The following TSGA10 variants were observed in gnomAD, a reference collection of about 807,000 sequenced individuals.
The protein encoded by TSGA10 is testis specific 10.
Under a neutral mutation model 96.6 loss-of-function variants are expected in TSGA10, and 43 were observed. That is an observed-to-expected ratio of 0.44 (90% CI 0.35 to 0.57). The LOEUF is 0.57. Among genes scored for constraint, TSGA10 ranks in the 20% least tolerant of loss-of-function variants. The pLI, the probability that TSGA10 is intolerant of heterozygous loss-of-function variation, is 0.01. For synonymous variants in TSGA10, 229 were observed against 269.9 expected, an observed-to-expected ratio of 0.85 and a Z score of 1.48; for missense variants, 703 against 834.4, an observed-to-expected ratio of 0.84 and a Z score of 1.94.
intron 20 of TSGA10, among the ~76,000 whole-genome samples, chr2:99,016,821 C>T (rs1434569443): frequency 2.0e-5 from 3 of 151,998 alleles, no homozygotes; most frequent in Non-Finnish European, 4.4e-5. Context: ...AACATAATCC[C>T]ATCAAAAAGT....
Position 99,064,964 on chromosome 2 carries a change from T to A in TSGA10, c.1379A>T (p.Asp460Val), listed in dbSNP as rs780921721. 6.2e-7 allele frequency: 1 copy of A among 1,601,732 alleles called. No individual in the cohort carries two copies. The highest frequency in any genetic ancestry group is 8.5e-7 in the Non-Finnish European group (1 of 1,175,836). ...AEGNRLKEKV[D>V]SLNREVEQHL... ...TTGCTCAACCTCTCTGTTGAGGGAA[T>A]CTACTTTTTCTTTTAATCTGTTACC... is the stretch of plus-strand genomic sequence containing the variant. The change falls in exon 16 of 21, where the codon GAT becomes GTT. Residue 460 changes from aspartate (D) to valine (V), a missense_variant. By Grantham distance (152) the Asp-to-Val change is radical. This residue lies in a region of TSGA10 where 585 missense variants were observed against 656.8 expected (regional missense o/e 0.89). Coordinates refer to ENST00000393483, the MANE Select transcript of TSGA10 (RefSeq NM_025244.4).
At chr2:99,126,949 G>T in intron 2 of TSGA10, 99 bp downstream of exon 2, 1 of 1,063,572 alleles carries the variant, frequency 9.4e-7, no homozygotes, top group Non-Finnish European at 1.2e-6. Context: ...ACATTTAAAT[G>T]AGCTCTGAAT....
At chr2:99,112,572 A>G (rs979924858) in intron 4 of TSGA10, among the ~76,000 whole-genome samples, 1 of 152,016 alleles carries the variant, frequency 6.6e-6, no homozygotes, top group African/African-American at 2.4e-5. Flanking sequence ...TTGACCAAAA[A>G]CTTCAGAGGA....
intron 1 of TSGA10, among the ~76,000 whole-genome samples, chr2:99,134,359 CTTGA>C (rs2105051394): frequency 1.3e-5 from 2 of 152,170 alleles, no homozygotes; most frequent in African/African-American, 4.8e-5. Context: ...CTTTCTTCCA[CTTGA>C]TTGATTCAGC....
At chr2:99,067,843 CAA>C (rs201614117) in intron 15 of TSGA10, among the ~76,000 whole-genome samples, 14 of 128,016 alleles carry the variant, frequency 1.1e-4, no homozygotes, top group East Asian at 2.2e-4. Context: ...GAGCCTGTCT[CAA>C]AAAAAAAAAA....
chr2:99,129,698 G>A (rs979285665), intron 1 of TSGA10, among the ~76,000 whole-genome samples: 3 of 152,118 alleles, frequency 2.0e-5, no homozygotes, highest in Non-Finnish European at 2.9e-5. Flanking sequence ...TGGAACTTGT[G>A]CTCCTGTACC....
rs181077025 is a variant in TSGA10, at chr2:99,072,135, T to C, written c.939-261A>G. The stretch of plus-strand genomic sequence containing the variant: ...ATTTCAAAACTTCTTACATCAAGTA[T>C]TAGGAAGGCTTTCATCCTACTTCTG... On this transcript the variant is annotated intron_variant, in intron 13 of 20. Transcript: ENST00000393483. Among the ~76,000 whole-genome samples, 1,463 of 152,308 alleles carry C rather than the reference T, an allele frequency of 9.6e-3. 9 individuals carry two copies. The highest frequency in any genetic ancestry group is 0.014 in the Non-Finnish European group (937 of 68,026).
intron 20 of TSGA10, among the ~76,000 whole-genome samples, chr2:99,012,882 T>G (rs2079121266): frequency 6.6e-6 from 1 of 152,194 alleles, no homozygotes. Flanking sequence ...ATAAATTCTT[T>G]TCTTCAGCAC....
At chr2:99,081,572 A>C (rs2087511289) in intron 10 of TSGA10, among the ~76,000 whole-genome samples, 175 bp from the exon 11 acceptor site, 1 of 152,214 alleles carries the variant, frequency 6.6e-6, no homozygotes, top group Non-Finnish European at 1.5e-5. Context: ...AAGGGTAAGA[A>C]GGGATCTTCA....
chr2:99,140,532 A>C (rs961526642), intron 1 of TSGA10, among the ~76,000 whole-genome samples: 1 of 152,172 alleles, frequency 6.6e-6, no homozygotes, highest in South Asian at 2.1e-4. Context: ...TTAGGTATCA[A>C]GTCCATGATC....
intron 2 of TSGA10, among the ~76,000 whole-genome samples, chr2:99,122,484 TA>T (rs1178213049): frequency 2.7e-5 from 4 of 150,604 alleles, no homozygotes; most frequent in East Asian, 1.9e-4. Flanking sequence ...TTTGTAAAAT[TA>T]AAAAAAAATT....
intron 20 of TSGA10, among the ~76,000 whole-genome samples, chr2:99,007,585 A>C (rs2078615516): frequency 6.6e-6 from 1 of 152,222 alleles, no homozygotes; most frequent in South Asian, 2.1e-4. Context: ...GCAACAAATA[A>C]AACAGCAAAC....
At chr2:99,148,592 G>T (rs577476707) in intron 1 of TSGA10, among the ~76,000 whole-genome samples, 31 of 152,324 alleles carry the variant, frequency 2.0e-4, no homozygotes, top group African/African-American at 6.5e-4. Context: ...GAAATGTTCA[G>T]TCAGTAATTA....
chr2:99,137,881 C>A (rs574647634), intron 1 of TSGA10, among the ~76,000 whole-genome samples: 12 of 110,586 alleles, frequency 1.1e-4, no homozygotes, highest in African/African-American at 2.5e-4. Context: ...AGTGAGACTC[C>A]ATGTCAAAAA....
chr2:99,033,970 G>A (rs2081370158), intron 17 of TSGA10, among the ~76,000 whole-genome samples: 1 of 152,156 alleles, frequency 6.6e-6, no homozygotes, highest in Non-Finnish European at 1.5e-5. Flanking sequence ...GTTGGTGTAT[G>A]ATCACCTAGC....
chr2:99,144,243 G>C (rs920808090), intron 1 of TSGA10, among the ~76,000 whole-genome samples: 1 of 151,656 alleles, frequency 6.6e-6, no homozygotes, highest in African/African-American at 2.4e-5. Flanking sequence ...GGATGATCTC[G>C]ATCTCCTGAC....
intron 1 of TSGA10, among the ~76,000 whole-genome samples, chr2:99,132,526 C>T (rs555021226): frequency 1.1e-4 from 16 of 151,584 alleles, no homozygotes; most frequent in South Asian, 2.1e-4. Flanking sequence ...GTCTGGCTAG[C>T]GGTCTATTTT....
intron 10 of TSGA10, among the ~76,000 whole-genome samples, chr2:99,096,402 G>A (rs1269254465): frequency 6.6e-6 from 1 of 152,140 alleles, no homozygotes; most frequent in Non-Finnish European, 1.5e-5. Context: ...TTAATGTGAT[G>A]GCTTTTGCCA....
intron 16 of TSGA10, among the ~76,000 whole-genome samples, chr2:99,059,913 CAAAAAAA>C (rs35460548): frequency 3.7e-5 from 2 of 54,456 alleles, no homozygotes; most frequent in Non-Finnish European, 7.7e-5. Flanking sequence ...GACCCCATCT[CAAAAAAA>C]AAAAAAAAAA....
Sources: gnomAD v4.1 joint callset for allele counts (sites outside exome capture counted in the v4.1 genomes callset) on GRCh38, gnomAD v4.1.1 for gene constraint, gnomAD v4.1.1 regional missense constraint, MANE v1.5 for transcripts, NCBI Gene and HGNC (gene_info 2026-07-23, HGNC 2026-07-21) for gene names.